CRYGD: variants seen among roughly 807,000 people sequenced by gnomAD.
CRYGD encodes crystallin gamma D, also known as gamma-crystallin D.
CRYGD carries 13 observed loss-of-function variants against 11.3 expected under a neutral mutation model. The ratio of observed to expected loss-of-function variants is 1.15; its 90% CI spans 0.75 to 1.83. CRYGD has a LOEUF of 1.83. Ranked by LOEUF, CRYGD falls within the 40% of genes most tolerant of loss-of-function variation. The pLI is 0.00. For synonymous variants in CRYGD, 77 were observed against 89.5 expected, an observed-to-expected ratio of 0.86 and a Z score of 0.79; for missense variants, 231 against 229.9, an observed-to-expected ratio of 1.00 and a Z score of -0.03.
At position 208,124,035 on chromosome 2, in the gene CRYGD, T is replaced by C; in HGVS notation, c.252+77A>G. ...TCAGTTATTGTGACTGATCACTACTTCTAATGTTTAACTTTTGCTTGAAAC... is the reference window on the plus strand; with the variant it reads ...TCAGTTATTGTGACTGATCACTACTCCTAATGTTTAACTTTTGCTTGAAAC... On this transcript the variant is annotated intron_variant, in intron 2 of 2. Transcript: ENST00000264376. The C allele has an allele frequency of 3.1e-6, 5 of 1,599,580 alleles. No homozygotes were observed. The South Asian group carries it at 5.5e-5, about 18-fold the overall frequency.
intron 2 of CRYGD, among the ~76,000 whole-genome samples, chr2:208,122,737 C>T (rs918338970): frequency 6.6e-6 from 1 of 150,674 alleles, no homozygotes; most frequent in Non-Finnish European, 1.5e-5. Flanking sequence ...GTGGCGGGTG[C>T]CTGTAATCCC....
Position 208,121,744 on chromosome 2 carries a change from T to C in CRYGD, c.454A>G (p.Arg152Gly), listed in dbSNP as rs1236886660. ...RQYLLMPGDY[R>G]RYQDWGATNA... ...GTGGCCCCCCAGTCCTGGTAGCGCC[T>C]ATAGTCCCCTGGCATCAGCAGGTAC... The change falls in exon 3 of 3, where the codon AGG becomes GGG. Residue 152 changes from arginine to glycine, a missense_variant. Transcript: ENST00000264376. The C allele has an allele frequency of 1.9e-6, 3 of 1,614,156 alleles. No individual in the cohort carries two copies. In the South Asian group the frequency reaches 3.3e-5, roughly 18 times the overall value.
intron 2 of CRYGD, among the ~76,000 whole-genome samples, chr2:208,123,691 G>T (rs926808223): frequency 9.2e-5 from 14 of 152,120 alleles, no homozygotes; most frequent in Non-Finnish European, 1.8e-4. Flanking sequence ...ACTTATATAG[G>T]TTGGGAAAAC....
Position 208,121,690 on chromosome 2 carries a change from C to CT in CRYGD, c.507dup (p.Val170SerfsTer?), listed in dbSNP as rs761450406. The CT allele has an allele frequency of 5.6e-6, 9 of 1,613,516 alleles. No homozygotes were observed. The South Asian group carries it at 9.9e-5, about 18-fold the overall frequency. On this transcript the variant is annotated frameshift_variant, in exon 3 of 3. Coordinates refer to ENST00000264376, the MANE Select transcript of CRYGD (RefSeq NM_006891.4). LOFTEE classifies it high-confidence loss of function. ...GACATATTTCAGGAGAAATCTATGA[C>CT]TCTCCTCAGAGAGCCCACTCTGGCA...
intron 2 of CRYGD, among the ~76,000 whole-genome samples, chr2:208,123,734 A>G (rs912662107): frequency 1.3e-5 from 2 of 152,224 alleles, no homozygotes; most frequent in African/African-American, 4.8e-5. Flanking sequence ...AAAAACGGGA[A>G]AAAGTCTCAA....
At position 208,121,796 on chromosome 2, in the gene CRYGD, G is replaced by A. The variant is rs398122948; in HGVS notation, c.402C>T (p.Tyr134=). Residue 134 remains tyrosine (Y), a synonymous_variant, in exon 3 of 3, where the codon TAC becomes TAT. Transcript: ENST00000264376. ...LNVLEGSWVL[Y]ELSNYRGRQY... ...GCCGTCCTCGGTAGTTGGACAGCTC[G>A]TAGAGGACCCAGGAGCCCTCCAGCA... is the stretch of plus-strand genomic sequence containing the variant. 15 of 1,614,030 alleles carry A rather than the reference G, an allele frequency of 9.3e-6. No individual in the cohort carries two copies. The highest frequency in any genetic ancestry group is 8.9e-5 in the East Asian group (4 of 44,892).
rs1347730575 is a variant in CRYGD at position 208,121,964 on chromosome 2, A to G, written c.253-19T>C. 1.2e-6 allele frequency: 2 copies of G among 1,613,868 alleles called. No individual in the cohort carries two copies. Among genetic ancestry groups the G allele is most frequent in the East Asian group, 2.2e-5 (1 of 44,886 alleles). Reference sequence around the variant, plus strand: ...AGCCAGACTGGCGGACCCAGAAATAAAAAGAGAAGAAAAGCAAGTGTGAAA... The same window carrying G: ...AGCCAGACTGGCGGACCCAGAAATAGAAAGAGAAGAAAAGCAAGTGTGAAA... On this transcript the variant is annotated intron_variant, in intron 2 of 2. Coordinates refer to ENST00000264376, the MANE Select transcript of CRYGD (RefSeq NM_006891.4).
At position 208,124,450 on chromosome 2, in the gene CRYGD, G is replaced by A. The variant is rs368318772; in HGVS notation, c.9+15C>T. The A allele has an allele frequency of 3.6e-5, 57 of 1,579,394 alleles. 1 individual carries two copies. The Middle Eastern group carries it at 6.8e-4, about 19-fold the overall frequency. ...GGAGGAAGCTCCGGGGTCCCGGGGCGCAGGCTGGGCTCACCTTCCCCATGG... is the reference window on the plus strand; with the variant it reads ...GGAGGAAGCTCCGGGGTCCCGGGGCACAGGCTGGGCTCACCTTCCCCATGG... On this transcript the variant is annotated intron_variant, in intron 1 of 2. Coordinates refer to ENST00000264376, the MANE Select transcript of CRYGD (RefSeq NM_006891.4).
intron 2 of CRYGD, among the ~76,000 whole-genome samples, chr2:208,122,217 A>G (rs1415983891): frequency 2.0e-5 from 3 of 152,006 alleles, no homozygotes; most frequent in Admixed American, 1.3e-4. Context: ...TCCTAGGCTC[A>G]GTATCCTGTA....
intron 2 of CRYGD, among the ~76,000 whole-genome samples, chr2:208,122,850 C>CA (rs1452957459): frequency 4.1e-5 from 6 of 147,630 alleles, no homozygotes; most frequent in Admixed American, 6.8e-5. Flanking sequence ...AAGACTTCGT[C>CA]AAAAAAAATA....
Position 208,121,903 on chromosome 2 carries a change from T to C in CRYGD, c.295A>G (p.Arg99Gly), listed in dbSNP as rs886055527. 1.9e-6 allele frequency: 3 copies of C among 1,614,010 alleles called. No individual in the cohort carries two copies. The Admixed American group carries it at 5.0e-5, about 27-fold the overall frequency. The change falls in exon 3 of 3, where the codon AGA becomes GGA. Residue 99 changes from arginine to glycine, a missense_variant. Physicochemically the swap from Arg to Gly is moderately radical, Grantham distance 125 (BLOSUM62 -2). Transcript: ENST00000264376. ...RIRLYEREDY[R>G]GQMIEFTEDC... ...TCAGTGAACTCTATCATCTGGCCTC[T>C]GTAGTCCTCTCTCTCATAGAGTCTG...
Position 208,123,153 on chromosome 2 carries a change from A to G in CRYGD, c.252+959T>C, listed in dbSNP as rs867305530. On this transcript the variant is annotated intron_variant, in intron 2 of 2. Coordinates refer to ENST00000264376, the MANE Select transcript of CRYGD (RefSeq NM_006891.4). ...TAAAAATATATTAAAATATATTTAA[A>G]ATATGTTAAATATATTTAAAATATA... Among the ~76,000 whole-genome samples the G allele has an allele frequency of 2.6e-4, 39 of 147,200 alleles. No homozygotes were observed. The South Asian group carries it at 7.5e-3, about 28-fold the overall frequency.
intron 2 of CRYGD, among the ~76,000 whole-genome samples, chr2:208,122,990 C>T (rs1400199555): frequency 4.7e-5 from 7 of 150,270 alleles, no homozygotes; most frequent in East Asian, 1.9e-4. Context: ...ATCCAGGAGG[C>T]GGAGGTTGCA....
In CRYGD at chr2:208,124,121, G is replaced by A; in HGVS notation, c.243C>T (p.Leu81=). The change falls in exon 2 of 3, where the codon CTC becomes CTT. Residue 81 remains leucine (L), a synonymous_variant. Transcript: ENST00000264376. ...TTGAGGATGTACTCACGTGGGGGAT[G>A]AGGCGGCAGGAGCGGACCGAGTCGC... is the stretch of plus-strand genomic sequence containing the variant. ...GLSDSVRSCR[L]IPHSGSHRIR... 1 of 1,611,758 alleles carries A rather than the reference G, an allele frequency of 6.2e-7. No individual in the cohort carries two copies. The highest frequency in any genetic ancestry group is 8.5e-7 in the Non-Finnish European group (1 of 1,179,878).
At position 208,121,855 on chromosome 2, in the gene CRYGD, G is replaced by C. The variant is rs374584101; in HGVS notation, c.343C>G (p.Arg115Gly). 6.2e-7 allele frequency: 1 copy of C among 1,614,114 alleles called. No individual in the cohort carries two copies. Among genetic ancestry groups the C allele is most frequent in the Non-Finnish European group, 8.5e-7 (1 of 1,180,026 alleles). Reference sequence around the variant, plus strand: ...GAGTGGATTTCATTGAAGCGGAAGCGGTCCTGAAGACAGGAGCAGTCCTCA... The same window carrying C: ...GAGTGGATTTCATTGAAGCGGAAGCCGTCCTGAAGACAGGAGCAGTCCTCA... ...FTEDCSCLQDRFRFNEIHSLN... is the reference protein window; with the variant it reads ...FTEDCSCLQDGFRFNEIHSLN... The change falls in exon 3 of 3, where the codon CGC (arginine) becomes GGC (glycine). Residue 115 changes from arginine to glycine, a missense_variant. By Grantham distance (125) the Arg-to-Gly change is moderately radical. Transcript: ENST00000264376.
chr2:208,122,028 G>A (rs1694875068), intron 2 of CRYGD, 83 bp from the exon 3 acceptor site: 1 of 1,600,220 alleles, frequency 6.2e-7, no homozygotes, highest in South Asian at 1.1e-5. Flanking sequence ...GCTTGGTGAG[G>A]ACCCGCTCAA....
intron 2 of CRYGD, among the ~76,000 whole-genome samples, chr2:208,122,962 G>C (rs1217483043): frequency 6.6e-6 from 1 of 150,494 alleles, no homozygotes; most frequent in African/African-American, 2.4e-5. Flanking sequence ...AGGAGACTGA[G>C]AGACGAGAAT....
intron 2 of CRYGD, among the ~76,000 whole-genome samples, chr2:208,123,507 GA>G (rs1198348603): frequency 1.3e-5 from 2 of 150,660 alleles, no homozygotes; most frequent in African/African-American, 4.9e-5. Flanking sequence ...ATATATTAAA[GA>G]ACAATTAATT....
Position 208,124,271 on chromosome 2 carries a change from G to A in CRYGD, c.93C>T (p.Ser31=). The A allele has an allele frequency of 5.6e-6, 9 of 1,611,726 alleles. No individual in the cohort carries two copies. Among genetic ancestry groups the A allele is most frequent in the Non-Finnish European group, 7.6e-6 (9 of 1,179,246 alleles). Residue 31 remains serine (S), a synonymous_variant, in exon 2 of 3, where the codon AGC becomes AGT. Coordinates refer to ENST00000264376, the MANE Select transcript of CRYGD (RefSeq NM_006891.4). ...SDHPNLQPYL[S]RCNSARVDSG... Reference sequence around the variant, plus strand: ...TGTCCACGCGCGCCGAGTTGCAGCGGCTCAAGTAGGGCTGCAGGTTGGGGT... The same window carrying A: ...TGTCCACGCGCGCCGAGTTGCAGCGACTCAAGTAGGGCTGCAGGTTGGGGT...
Sources: allele counts gnomAD v4.1 joint callset (sites outside exome capture counted in the v4.1 genomes callset), GRCh38; gene constraint gnomAD v4.1.1; transcripts MANE v1.5; gene names NCBI Gene and HGNC (gene_info 2026-07-23, HGNC 2026-07-21).